LARGE1: variants seen among roughly 807,000 people sequenced by gnomAD.
The protein encoded by LARGE1 is xylosyl- and glucuronyltransferase LARGE1.
A neutral mutation model predicts 87.6 loss-of-function variants in LARGE1; 43 were observed. The observed-to-expected ratio is 0.49, with a 90% CI of 0.38 to 0.63. LARGE1 has a LOEUF of 0.63. Among genes scored for constraint, LARGE1 ranks in the 30% least tolerant of loss-of-function variants. The pLI is 0.00. For missense variants in LARGE1, 802 were observed against 1,000.2 expected (o/e 0.80, Z 2.67); for synonymous variants, 434 against 394.6 (o/e 1.10, Z -1.18).
intron 6 of LARGE1, among the ~76,000 whole-genome samples, chr22:33,511,254 C>T (rs2071042165): frequency 6.6e-6 from 1 of 152,172 alleles, no homozygotes; most frequent in Admixed American, 6.5e-5. Flanking sequence ...GTGTGTACTG[C>T]TGTATGCCTT....
chr22:33,142,298 A>G, the LARGE1 span, among the ~76,000 whole-genome samples: 1 of 152,150 alleles, frequency 6.6e-6, no homozygotes, highest in Non-Finnish European at 1.5e-5. Flanking sequence ...CTTCCAGACC[A>G]CAATGGATAA....
At chr22:33,473,225 A>G (rs1602006031) in intron 6 of LARGE1, among the ~76,000 whole-genome samples, 1 of 151,718 alleles carries the variant, frequency 6.6e-6, no homozygotes, top group South Asian at 2.1e-4. Flanking sequence ...CTGGAGTGCA[A>G]TGGCGTGATC....
At chr22:33,775,030 G>T (rs1052251309) in intron 1 of LARGE1, among the ~76,000 whole-genome samples, 5 of 152,212 alleles carry the variant, frequency 3.3e-5, no homozygotes, top group African/African-American at 1.2e-4. Context: ...TTAACTGGAT[G>T]TGACAGTGCT....
intron 2 of LARGE1, among the ~76,000 whole-genome samples, chr22:33,664,863 A>T (rs780278372): frequency 3.4e-4 from 52 of 152,184 alleles, no homozygotes; most frequent in Non-Finnish European, 1.3e-4. Flanking sequence ...ATCTTAAAAA[A>T]ACAACAACAA....
intron 9 of LARGE1, among the ~76,000 whole-genome samples, chr22:33,342,624 C>A (rs1939285188): frequency 6.6e-6 from 1 of 152,178 alleles, no homozygotes; most frequent in African/African-American, 2.4e-5. Context: ...CCCAACATCA[C>A]ATGGTGAGTC....
intron 11 of LARGE1, among the ~76,000 whole-genome samples, chr22:33,240,390 CTT>C (rs998591443): frequency 5.9e-5 from 9 of 152,180 alleles, no homozygotes; most frequent in Admixed American, 2.0e-4. Context: ...GTTATAAGCC[CTT>C]TGTCATTATT....
chr22:33,258,370 T>G (rs1327377897), intron 11 of LARGE1, among the ~76,000 whole-genome samples: 1 of 152,114 alleles, frequency 6.6e-6, no homozygotes. Flanking sequence ...TAGAACTGAG[T>G]GCTGAAGAAT....
chr22:33,425,715 T>C (rs2066853280), intron 7 of LARGE1, among the ~76,000 whole-genome samples: 1 of 152,158 alleles, frequency 6.6e-6, no homozygotes, highest in Non-Finnish European at 1.5e-5. Flanking sequence ...CTTCTGGGTG[T>C]AATAGCTTTC....
At chr22:33,394,081 C>CAAAAAAAAAAAAAA (rs66531142) in intron 7 of LARGE1, among the ~76,000 whole-genome samples, 1 of 109,988 alleles carries the variant, frequency 9.1e-6, no homozygotes. Flanking sequence ...GTGCAACTGC[C>CAAAAAAAAAAAAAA]AAAAAAAAAA....
chr22:33,676,372 C>CAAAAAAAAAAAAAAAAAAAAAAA (rs10567981), intron 2 of LARGE1, among the ~76,000 whole-genome samples: 2 of 16,306 alleles, frequency 1.2e-4, no homozygotes, highest in Non-Finnish European at 2.8e-4. Context: ...GATTCAATGG[C>CAAAAAAAAAAAAAAAAAAAAAAA]AAAAAAAAAA....
In LARGE1 at chr22:33,655,398, C is replaced by T. The variant is rs188333584; in HGVS notation, c.107-4730G>A. 7.2e-5 allele frequency among the ~76,000 whole-genome samples: 11 copies of T among 152,292 alleles called. No homozygotes were observed. In the East Asian group the frequency reaches 9.6e-4, roughly 13 times the overall value. On this transcript the variant is annotated intron_variant, in intron 2 of 14. Coordinates refer to ENST00000397394, the MANE Select transcript of LARGE1 (RefSeq NM_133642.5). ...AACTCAAACTGAATCACCAGATCTT[C>T]CTGGGTCTCGAGCCTGTTGGAATTT...
intron 6 of LARGE1, among the ~76,000 whole-genome samples, chr22:33,532,493 A>G (rs1009639336): frequency 2.6e-5 from 4 of 152,212 alleles, no homozygotes; most frequent in African/African-American, 9.6e-5. Flanking sequence ...CATATATTTC[A>G]CATACATTAT....
At chr22:33,172,384 G>A (rs747136995) in intron 11 of LARGE1, among the ~76,000 whole-genome samples, 9 of 152,108 alleles carry the variant, frequency 5.9e-5, no homozygotes, top group Non-Finnish European at 1.3e-4. Flanking sequence ...CTCCCATGCT[G>A]TTCTCGTGAC....
intron 2 of LARGE1, among the ~76,000 whole-genome samples, chr22:33,698,764 G>T (rs73402812): frequency 0.038 from 5,845 of 152,230 alleles, 368 homozygotes; most frequent in African/African-American, 0.13. Context: ...TCCTGCCACG[G>T]GAACTTCACA....
intron 3 of LARGE1, among the ~76,000 whole-genome samples, chr22:33,647,792 C>T (rs1198665952): frequency 1.3e-5 from 2 of 152,000 alleles, no homozygotes; most frequent in African/African-American, 4.8e-5. Flanking sequence ...GAGTTTTGCA[C>T]TGTCACCCAG....
chr22:33,753,259 G>C (rs994372257), intron 2 of LARGE1, among the ~76,000 whole-genome samples: 5 of 152,002 alleles, frequency 3.3e-5, no homozygotes, highest in African/African-American at 1.2e-4. Context: ...CTAATAAGAG[G>C]GGGGTAGGAG....
chr22:33,373,930 C>T lies in LARGE1; in HGVS notation c.1131+7989G>A, dbSNP rs188176089. Among the ~76,000 whole-genome samples the T allele has an allele frequency of 3.2e-3, 437 of 137,882 alleles. 1 individual carries two copies. The highest frequency in any genetic ancestry group is 3.3e-3 in the Non-Finnish European group (222 of 66,760). The allele number at this position is 137,882 out of a possible 152,430, so 90.5% of individuals were successfully genotyped here. On this transcript the variant is annotated intron_variant, in intron 9 of 14. Coordinates refer to ENST00000397394, the MANE Select transcript of LARGE1 (RefSeq NM_133642.5). The stretch of plus-strand genomic sequence containing the variant: ...TGGAGGTTGCAGTCAGCCGATATCG[C>T]GCCATTGCACTCCAGCCTGGGGATA...
chr22:33,822,663 A>T (rs1165664265), intron 1 of LARGE1, among the ~76,000 whole-genome samples: 2 of 152,198 alleles, frequency 1.3e-5, no homozygotes, highest in African/African-American at 2.4e-5. Context: ...ACGCCACTGC[A>T]TTCCAGCCTG....
chr22:33,823,814 T>G (rs921255871), intron 1 of LARGE1, among the ~76,000 whole-genome samples: 1 of 152,186 alleles, frequency 6.6e-6, no homozygotes, highest in African/African-American at 2.4e-5. Context: ...AACTGAGTCA[T>G]CTGCAGTTCA....
Sources: allele counts gnomAD v4.1 joint callset (sites outside exome capture counted in the v4.1 genomes callset), GRCh38; gene constraint gnomAD v4.1.1; transcripts MANE v1.5; gene names NCBI Gene and HGNC (gene_info 2026-07-23, HGNC 2026-07-21).